The following USP53 variants were observed in gnomAD, a reference collection of about 807,000 sequenced individuals.
USP53 encodes ubiquitin carboxyl-terminal hydrolase 53.
USP53 carries 71 observed loss-of-function variants against 94.9 expected under a neutral mutation model. The observed-to-expected ratio is 0.75, with a 90% confidence interval of 0.62 to 0.91. USP53 has a LOEUF of 0.91. Ranked by LOEUF, USP53 falls within the 40% of genes least tolerant of loss-of-function variation. USP53 has a pLI of 0.00. For synonymous variants in USP53, 375 were observed against 422.7 expected (o/e 0.89, Z 1.39); for missense variants, 1,173 against 1,281.0 (o/e 0.92, Z 1.29).
At chr4:119,274,558 C>T (rs1017066976) in intron 17 of USP53, among the ~76,000 whole-genome samples, 6 of 151,922 alleles carry the variant, frequency 3.9e-5, no homozygotes, top group African/African-American at 4.8e-5. Flanking sequence ...AATAAACATA[C>T]GTGTACATGT....
rs199791850 is a variant in USP53 at position 119,269,828 on chromosome 4, C to T, written c.1426C>T (p.Arg476Ter). ...LEKGQRKDLG[R>*]HRDLVDEDLS... ...GAAGGGACAAAGAAAAGATTTAGGA[C>T]GACATAGAGGTAAGTTAAGATCTTG... Residue 476 changes from arginine to a stop codon, truncating the protein, a stop_gained, in exon 15 of 19, where the codon CGA becomes TGA. Transcript: ENST00000692078. LOFTEE classifies it high-confidence loss of function. The T allele has an allele frequency of 6.7e-5, 99 of 1,478,462 alleles. No homozygotes were observed. The highest frequency in any genetic ancestry group is 5.8e-4 in the East Asian group (23 of 39,502). The allele number at this position is 1,478,462 out of a possible 1,614,324, so 91.6% of individuals were successfully genotyped here. A position where few individuals can be genotyped will look rare whatever the true frequency, so the allele number is the denominator to read the frequency against.
At chr4:119,271,275 T>C in intron 15 of USP53, 21 bp from the exon 16 acceptor site, 1 of 1,527,720 alleles carries the variant, frequency 6.5e-7, no homozygotes, top group Non-Finnish European at 8.7e-7. Flanking sequence ...TTCATGTGTA[T>C]CTTTAATTTT....
chr4:119,234,706 C>A (rs1168982423), intron 3 of USP53, among the ~76,000 whole-genome samples: 1 of 152,152 alleles, frequency 6.6e-6, no homozygotes, highest in Non-Finnish European at 1.5e-5. Context: ...GTTTCAGGAT[C>A]ATTTAGATCA....
At chr4:119,253,151 G>A (rs965380304) in intron 7 of USP53, among the ~76,000 whole-genome samples, 2 of 151,962 alleles carry the variant, frequency 1.3e-5, no homozygotes, top group Non-Finnish European at 2.9e-5. Context: ...TTCCAATTAT[G>A]TGGTCGGTTT....
intron 15 of USP53, 79 bp from the exon 16 acceptor site, chr4:119,271,217 C>G (rs1380187282): frequency 8.7e-6 from 13 of 1,489,128 alleles, no homozygotes; most frequent in African/African-American, 1.4e-5. Context: ...AACATTTTAT[C>G]TCTAACAGGT....
chr4:119,290,819 A>T (rs1285142342), intron 17 of USP53, among the ~76,000 whole-genome samples: 1 of 152,266 alleles, frequency 6.6e-6, no homozygotes, highest in Non-Finnish European at 1.5e-5. Context: ...GCGATCTTCA[A>T]ATGCAGGGTT....
rs1561282261 is a variant in USP53 at position 119,261,701 on chromosome 4, A to AT, written c.823-7dup. On this transcript the variant is annotated splice_polypyrimidine_tract_variant and intron_variant, in intron 11 of 18. Transcript: ENST00000692078. ...ATGTAGTGTTAAGTGTACATTACCA[A>AT]TTTTTTTAAACAGCTTTTTTATAGA... 6 of 1,559,032 alleles carry AT rather than the reference A, an allele frequency of 3.8e-6. No homozygotes were observed. The highest frequency in any genetic ancestry group is 4.4e-6 in the Non-Finnish European group (5 of 1,142,616).
chr4:119,280,381 T>A (rs1753379261), intron 17 of USP53, among the ~76,000 whole-genome samples: 1 of 152,176 alleles, frequency 6.6e-6, no homozygotes, highest in Non-Finnish European at 1.5e-5. Flanking sequence ...TACTTTTACT[T>A]AACAGAAGGT....
At chr4:119,291,461 A>G (rs909519984) in intron 18 of USP53, among the ~76,000 whole-genome samples, 200 bp downstream of exon 18, 1 of 152,156 alleles carries the variant, frequency 6.6e-6, no homozygotes, top group Non-Finnish European at 1.5e-5. Context: ...GTCTGTTTCA[A>G]TCCTCACAGC....
intron 3 of USP53, among the ~76,000 whole-genome samples, chr4:119,226,152 G>A (rs577759621): frequency 6.6e-6 from 1 of 152,186 alleles, no homozygotes; most frequent in South Asian, 2.1e-4. Context: ...AACAAAGTAG[G>A]AATAAAGGGG....
chr4:119,267,480 TG>T lies in USP53; in HGVS notation c.1135+1del. On this transcript the variant is annotated frameshift_variant and splice_region_variant, in exon 13 of 19. Transcript: ENST00000692078. LOFTEE classifies it high-confidence loss of function. ...CATTACAAATCTGTTGCAGAAAATA[TG>T]GGTAATTCTTTCTTTTAAAAATTCT... Reference protein sequence around the residue: ...WSHYKSVAENMGCEKPVIHKS... With the variant: ...WSHYKSVAENXGCEKPVIHKS... 6.2e-7 allele frequency: 1 copy of T among 1,605,156 alleles called. No homozygotes were observed. Among genetic ancestry groups the T allele is most frequent in the Non-Finnish European group, 8.5e-7 (1 of 1,177,326 alleles).
At chr4:119,282,910 G>A (rs557472324) in intron 17 of USP53, among the ~76,000 whole-genome samples, 30 of 151,836 alleles carry the variant, frequency 2.0e-4, no homozygotes, top group Non-Finnish European at 8.8e-5. Context: ...AATTTAAAGA[G>A]CCTTAGAAAT....
At chr4:119,267,661 C>T (rs1309621440) in intron 13 of USP53, among the ~76,000 whole-genome samples, 179 bp downstream of exon 13, 1 of 152,100 alleles carries the variant, frequency 6.6e-6, no homozygotes, top group East Asian at 1.9e-4. Context: ...TCATCGGTGG[C>T]CTCAGAAGCA....
chr4:119,266,492 G>A (rs1017004200), intron 12 of USP53, among the ~76,000 whole-genome samples: 5 of 152,152 alleles, frequency 3.3e-5, no homozygotes, highest in Non-Finnish European at 7.3e-5. Flanking sequence ...CCCTTCTCGT[G>A]TATGTATAAT....
intron 17 of USP53, among the ~76,000 whole-genome samples, chr4:119,277,673 T>C (rs1752836230): frequency 6.8e-6 from 1 of 147,388 alleles, no homozygotes; most frequent in South Asian, 2.2e-4. Flanking sequence ...TTCTGTCTCG[T>C]TGATCTGTCT....
At chr4:119,251,046 C>T (rs898688509) in intron 7 of USP53, among the ~76,000 whole-genome samples, 1 of 150,882 alleles carries the variant, frequency 6.6e-6, no homozygotes, top group African/African-American at 2.4e-5. Flanking sequence ...CTAATGTTAT[C>T]CCTCCCCTAG....
At chr4:119,241,570 T>C (rs751359599) in intron 5 of USP53, among the ~76,000 whole-genome samples, 2 of 152,172 alleles carry the variant, frequency 1.3e-5, no homozygotes, top group Non-Finnish European at 2.9e-5. Flanking sequence ...ATTATTCTAA[T>C]GAAAAATCTA....
At chr4:119,268,241 T>A (rs1327811568) in intron 13 of USP53, 27 bp from the exon 14 acceptor site, 11 of 1,567,544 alleles carry the variant, frequency 7.0e-6, no homozygotes, top group Middle Eastern at 2.1e-4. Context: ...AGGAAAGGAA[T>A]GATACATTTT....
At chr4:119,234,856 T>G (rs1746521691) in intron 3 of USP53, among the ~76,000 whole-genome samples, 1 of 152,198 alleles carries the variant, frequency 6.6e-6, no homozygotes. Context: ...TCAGTGGACC[T>G]AAAAGTTGGT....
Sources: allele counts gnomAD v4.1 joint callset (sites outside exome capture counted in the v4.1 genomes callset), GRCh38; gene constraint gnomAD v4.1.1; transcripts MANE v1.5; gene names NCBI Gene and HGNC (gene_info 2026-07-23, HGNC 2026-07-21).